The following RORA variants were observed in gnomAD, a reference collection of about 807,000 sequenced individuals.
RORA encodes the protein RAR related orphan receptor A, also known as nuclear receptor ROR-alpha.
Under a neutral mutation model 69.5 loss-of-function variants are expected in RORA, and 7 were observed. That is an observed-to-expected ratio of 0.10 (90% confidence interval 0.06 to 0.19). The LOEUF (loss-of-function observed/expected upper bound fraction) is 0.19. RORA is among the 10% of genes least tolerant of loss of function. The pLI, the probability that RORA is intolerant of heterozygous loss-of-function variation, is 1.00. For synonymous variants in RORA, 261 were observed against 240.8 expected (o/e 1.08, Z -0.78); for missense variants, 457 against 663.0 (o/e 0.69, Z 3.41).
Position 60,735,821 on chromosome 15 carries a change from C to T in RORA, c.167-57135G>A, listed in dbSNP as rs567110823. On this transcript the variant is annotated intron_variant, in intron 1 of 10. Coordinates refer to ENST00000335670, the MANE Select transcript of RORA (RefSeq NM_134261.3). ...TTTGAAGATAAAATTCAATCCCTCA[C>T]TTCCATTTGGGATGAAATATTGGGA... 7.9e-5 allele frequency among the ~76,000 whole-genome samples: 12 copies of T among 152,310 alleles called. No homozygotes were observed. The South Asian group carries it at 2.5e-3, about 32-fold the overall frequency.
intron 1 of RORA, among the ~76,000 whole-genome samples, chr15:60,863,161 G>C (rs996487155): frequency 1.3e-5 from 2 of 152,198 alleles, no homozygotes; most frequent in Non-Finnish European, 2.9e-5. Context: ...TTACAGTTGA[G>C]ATAATTGAGA....
At chr15:60,540,564 A>ACCCCCCCCCCCCCCCCCCCCCCCCC (rs56827621) in intron 2 of RORA, among the ~76,000 whole-genome samples, 1 of 46,050 alleles carries the variant, frequency 2.2e-5, no homozygotes, top group African/African-American at 5.2e-5. Flanking sequence ...AATTTCCATG[A>ACCCCCCCCCCCCCCCCCCCCCCCCC]CCCCCCCCCC....
intron 1 of RORA, among the ~76,000 whole-genome samples, chr15:60,916,135 C>T: frequency 6.6e-6 from 1 of 152,228 alleles, no homozygotes; most frequent in East Asian, 1.9e-4. Context: ...CAAGGCAGTT[C>T]TGCCGACTTT....
intron 1 of RORA, among the ~76,000 whole-genome samples, chr15:60,692,412 A>G (rs1366726886): frequency 1.3e-5 from 2 of 152,228 alleles, no homozygotes; most frequent in East Asian, 1.9e-4. Flanking sequence ...TAGTACAGAA[A>G]GGAAAAATGA....
chr15:60,613,694 ATCTG>A (rs2069150686), intron 2 of RORA, among the ~76,000 whole-genome samples: 1 of 119,076 alleles, frequency 8.4e-6, no homozygotes, highest in South Asian at 3.6e-4. Flanking sequence ...TCAATTTGAT[ATCTG>A]TGTGTGTGTG....
At chr15:60,795,838 A>G (rs1280922002) in intron 1 of RORA, among the ~76,000 whole-genome samples, 1 of 152,200 alleles carries the variant, frequency 6.6e-6, no homozygotes, top group Admixed American at 6.5e-5. Flanking sequence ...ACCATAAAAC[A>G]TTACATAAGA....
At chr15:60,780,205 T>G (rs1010179835) in intron 1 of RORA, among the ~76,000 whole-genome samples, 6 of 152,186 alleles carry the variant, frequency 3.9e-5, no homozygotes, top group African/African-American at 1.2e-4. Context: ...ATCTCTACCC[T>G]GGCTGCTTAT....
At chr15:60,766,553 G>T (rs2071995562) in intron 1 of RORA, among the ~76,000 whole-genome samples, 1 of 152,102 alleles carries the variant, frequency 6.6e-6, no homozygotes, top group Admixed American at 6.5e-5. Context: ...GCATTTGAAA[G>T]CATCAAAGTT....
intron 1 of RORA, among the ~76,000 whole-genome samples, chr15:61,179,789 T>C (rs1418472636): frequency 6.6e-6 from 1 of 152,170 alleles, no homozygotes; most frequent in East Asian, 1.9e-4. Context: ...GATAACCATC[T>C]TCAGGTCCTC....
At chr15:60,723,388 C>A (rs2071317819) in intron 1 of RORA, among the ~76,000 whole-genome samples, 2 of 141,962 alleles carry the variant, frequency 1.4e-5, no homozygotes, top group African/African-American at 2.6e-5. Context: ...CCCCCCCCCA[C>A]TCACATAAAA....
At chr15:61,166,283 A>G (rs1806236593) in intron 1 of RORA, among the ~76,000 whole-genome samples, 1 of 152,176 alleles carries the variant, frequency 6.6e-6, no homozygotes, top group South Asian at 2.1e-4. Flanking sequence ...GTTTCTACTA[A>G]ATACCTACAA....
At chr15:60,940,270 C>A (rs1308826051) in intron 1 of RORA, among the ~76,000 whole-genome samples, 1 of 152,102 alleles carries the variant, frequency 6.6e-6, no homozygotes, top group Non-Finnish European at 1.5e-5. Flanking sequence ...ACCCCAAAGG[C>A]CATCAATTGG....
intron 5 of RORA, among the ~76,000 whole-genome samples, chr15:60,507,232 C>G (rs568076117): frequency 6.6e-6 from 1 of 152,224 alleles, no homozygotes; most frequent in African/African-American, 2.4e-5. Context: ...AAAATGATCC[C>G]TCTCCCTAGG....
At chr15:61,106,235 G>C (rs564122297) in intron 1 of RORA, among the ~76,000 whole-genome samples, 11 of 152,322 alleles carry the variant, frequency 7.2e-5, no homozygotes, top group Middle Eastern at 6.8e-3. Context: ...TATTACTAGA[G>C]AGGATGAAAA....
At chr15:61,049,657 C>A (rs1566963848) in intron 1 of RORA, among the ~76,000 whole-genome samples, 1 of 151,988 alleles carries the variant, frequency 6.6e-6, no homozygotes, top group East Asian at 1.9e-4. Context: ...TTCTTTCTTT[C>A]TTTTTTCTTT....
chr15:61,222,551 T>C (rs992015549), intron 1 of RORA, among the ~76,000 whole-genome samples: 5 of 152,340 alleles, frequency 3.3e-5, no homozygotes, highest in African/African-American at 9.6e-5. Context: ...TTGATGTCTT[T>C]GCTCCAAAAT....
chr15:60,800,225 C>A (rs2072559339), intron 1 of RORA, among the ~76,000 whole-genome samples: 1 of 152,192 alleles, frequency 6.6e-6, no homozygotes, highest in African/African-American at 2.4e-5. Context: ...CAGCACACTA[C>A]TGATACAAAT....
At chr15:61,161,230 C>T (rs537139635) in intron 1 of RORA, among the ~76,000 whole-genome samples, 1 of 152,200 alleles carries the variant, frequency 6.6e-6, no homozygotes, top group Non-Finnish European at 1.5e-5. Flanking sequence ...GGGAACACTG[C>T]TCTTGTGGAC....
chr15:60,829,239 A>T (rs1288292920), intron 1 of RORA, among the ~76,000 whole-genome samples: 1 of 152,080 alleles, frequency 6.6e-6, no homozygotes, highest in Non-Finnish European at 1.5e-5. Flanking sequence ...ACTGGCATTT[A>T]TTTATACCTT....
Sources: allele counts gnomAD v4.1 joint callset (sites outside exome capture counted in the v4.1 genomes callset), GRCh38; gene constraint gnomAD v4.1.1; transcripts MANE v1.5; gene names NCBI Gene and HGNC (gene_info 2026-07-23, HGNC 2026-07-21).